Variants in ASTN1 observed in about 807,000 individuals in gnomAD.
ASTN1 encodes the protein astrotactin 1, also known as astrotactin-1.
Under a neutral mutation model 140.7 loss-of-function variants are expected in ASTN1, and 41 were observed. The ratio of observed to expected loss-of-function variants is 0.29; its 90% CI spans 0.23 to 0.38. The LOEUF is 0.38. ASTN1 is among the 10% of genes least tolerant of loss of function. ASTN1 has a pLI of 1.00. For synonymous variants in ASTN1, 640 were observed against 652.2 expected (o/e 0.98, Z 0.29); for missense variants, 1,479 against 1,678.8 (o/e 0.88, Z 2.08).
At chr1:177,122,250 G>A (rs1681429473) in intron 1 of ASTN1, among the ~76,000 whole-genome samples, 1 of 152,180 alleles carries the variant, frequency 6.6e-6, no homozygotes, top group African/African-American at 2.4e-5. Context: ...GAGACTCAGA[G>A]CAGGAAAAGA....
At chr1:177,075,086 T>C (rs909506350) in intron 1 of ASTN1, among the ~76,000 whole-genome samples, 1 of 152,182 alleles carries the variant, frequency 6.6e-6, no homozygotes, top group African/African-American at 2.4e-5. Flanking sequence ...TGCTTTTTTT[T>C]ATTTTGAGAT....
Position 177,164,695 on chromosome 1 carries a change from T to C in ASTN1, c.-19A>G. ...AAGCCATCTTGAGCCCCGGCCGCCT[T>C]CCTCCTAGCGCTGCGATGGTGGGGG... On this transcript the variant is annotated 5_prime_UTR_variant, in exon 1 of 23. Coordinates refer to ENST00000361833, the MANE Select transcript of ASTN1 (RefSeq NM_004319.3). 2 of 1,534,258 alleles carry C rather than the reference T, an allele frequency of 1.3e-6. No homozygotes were observed. The highest frequency in any genetic ancestry group is 1.7e-6 in the Non-Finnish European group (2 of 1,143,228).
chr1:177,011,502 G>A (rs747416634), intron 8 of ASTN1, among the ~76,000 whole-genome samples: 16 of 152,108 alleles, frequency 1.1e-4, no homozygotes, highest in South Asian at 4.2e-4. Context: ...ATGAGTAGGA[G>A]AATAAATGAT....
At chr1:176,944,547 A>G (rs1671873493) in intron 13 of ASTN1, among the ~76,000 whole-genome samples, 1 of 152,222 alleles carries the variant, frequency 6.6e-6, no homozygotes. Context: ...TATAGGCGTG[A>G]GCCACAGTAA....
chr1:177,036,036 C>CTTTTTTTTTTT lies in ASTN1; in HGVS notation c.472-3198_472-3188dup, dbSNP rs869200407. Among the ~76,000 whole-genome samples the CTTTTTTTTTTT allele has an allele frequency of 3.8e-5, 3 of 78,788 alleles. 1 individual carries two copies. The highest frequency in any genetic ancestry group is 1.7e-4 in the African/African-American group (3 of 18,110). 51.7% of individuals were successfully genotyped at this position (78,788 alleles called of 152,430 possible). ...CTCTGGATGGGATGACCTCAGCTTT[C>CTTTTTTTTTTT]TTTTTTTTTTTTTTTTTTTTTTTTT... On this transcript the variant is annotated intron_variant, in intron 2 of 22. Coordinates refer to ENST00000361833, the MANE Select transcript of ASTN1 (RefSeq NM_004319.3).
chr1:176,946,438 C>G (rs1424210085), intron 12 of ASTN1, among the ~76,000 whole-genome samples: 1 of 152,162 alleles, frequency 6.6e-6, no homozygotes, highest in Non-Finnish European at 1.5e-5. Context: ...TGAAGATAAG[C>G]TTGCAAATGA....
At chr1:177,076,278 C>CAAAAAAA (rs1171864161) in intron 1 of ASTN1, among the ~76,000 whole-genome samples, 13 of 77,686 alleles carry the variant, frequency 1.7e-4, no homozygotes, top group Admixed American at 4.6e-4. Flanking sequence ...GACTATGTCT[C>CAAAAAAA]AAAAAAAAAA....
intron 8 of ASTN1, among the ~76,000 whole-genome samples, chr1:177,014,542 C>T (rs774580697): frequency 3.9e-5 from 6 of 152,164 alleles, no homozygotes; most frequent in African/African-American, 7.2e-5. Context: ...AGAGGGACAG[C>T]TTGATTTTCA....
intron 8 of ASTN1, among the ~76,000 whole-genome samples, chr1:177,007,816 C>T (rs1675072567): frequency 6.6e-6 from 1 of 152,198 alleles, no homozygotes; most frequent in South Asian, 2.1e-4. Flanking sequence ...ACTAGTTCAT[C>T]AAAGGCCTTT....
At chr1:177,156,129 G>A (rs1200998318) in intron 1 of ASTN1, among the ~76,000 whole-genome samples, 3 of 152,040 alleles carry the variant, frequency 2.0e-5, no homozygotes, top group Non-Finnish European at 4.4e-5. Flanking sequence ...AATTAGCTGG[G>A]TGTGGTGGCG....
At chr1:177,027,591 C>T (rs953388529) in intron 5 of ASTN1, among the ~76,000 whole-genome samples, 6 of 150,706 alleles carry the variant, frequency 4.0e-5, no homozygotes, top group East Asian at 1.9e-4. Flanking sequence ...CCATATTGAA[C>T]GACTTTTACT....
chr1:176,959,235 G>C (rs1672549446), intron 9 of ASTN1, among the ~76,000 whole-genome samples: 1 of 152,138 alleles, frequency 6.6e-6, no homozygotes, highest in Admixed American at 6.5e-5. Context: ...GCATTCAAAT[G>C]CTCTGTGTTC....
chr1:177,029,506 A>ACTTCTTCTTGCAG, intron 5 of ASTN1, 128 bp downstream of exon 5: 1 of 1,004,976 alleles, frequency 1.0e-6, no homozygotes. Context: ...TTGTGGTCCA[A>ACTTCTTCTTGCAG]AAATTCTTCT....
At chr1:177,090,035 C>T (rs1315299571) in intron 1 of ASTN1, among the ~76,000 whole-genome samples, 1 of 151,766 alleles carries the variant, frequency 6.6e-6, no homozygotes, top group Non-Finnish European at 1.5e-5. Context: ...ACACACACCC[C>T]CCTCAATCAG....
intron 16 of ASTN1, among the ~76,000 whole-genome samples, chr1:176,895,208 G>A (rs1010897491): frequency 2.0e-5 from 3 of 152,136 alleles, no homozygotes; most frequent in Non-Finnish European, 4.4e-5. Flanking sequence ...TCTAGCATTG[G>A]GTAATGAATG....
chr1:176,944,050 G>A, intron 13 of ASTN1, 32 bp from the exon 14 acceptor site: 8 of 1,607,704 alleles, frequency 5.0e-6, no homozygotes, highest in Non-Finnish European at 6.8e-6. Context: ...ATTTCTGAGT[G>A]TTCAGGTGAA....
intron 16 of ASTN1, among the ~76,000 whole-genome samples, chr1:176,924,599 A>G (rs192764337): frequency 3.6e-3 from 549 of 152,294 alleles, no homozygotes; most frequent in Non-Finnish European, 5.6e-3. Context: ...ATCATTCATT[A>G]TCATATCCCC....
At chr1:177,141,542 T>C (rs1046728765) in intron 1 of ASTN1, among the ~76,000 whole-genome samples, 3 of 152,172 alleles carry the variant, frequency 2.0e-5, no homozygotes, top group African/African-American at 7.2e-5. Flanking sequence ...CATGCCTAAA[T>C]AAAGTGTTTT....
chr1:176,930,004 T>A (rs748403275), intron 16 of ASTN1, among the ~76,000 whole-genome samples: 173 of 152,154 alleles, frequency 1.1e-3, no homozygotes, highest in Non-Finnish European at 1.2e-3. Context: ...CAAGACTCCG[T>A]CTCAAAAAAA....
Sources: allele counts gnomAD v4.1 joint callset (sites outside exome capture counted in the v4.1 genomes callset), GRCh38; gene constraint gnomAD v4.1.1; transcripts MANE v1.5; gene names NCBI Gene and HGNC (gene_info 2026-07-23, HGNC 2026-07-21).